The following AAK1 variants were observed in gnomAD, a reference collection of about 807,000 sequenced individuals.
AAK1 encodes the protein AP2-associated protein kinase 1.
In AAK1, 37 loss-of-function variants were observed where a neutral mutation model predicts 116.0. The ratio of observed to expected loss-of-function variants is 0.32; its 90% CI spans 0.25 to 0.42. The LOEUF is 0.42. Ranked by LOEUF, AAK1 falls within the 10% of genes least tolerant of loss-of-function variation. The probability of loss-of-function intolerance (pLI) is 1.00; values close to 1 mark genes in which losing one functional copy is unlikely to be tolerated. For missense variants in AAK1, 919 were observed against 1,170.6 expected (o/e 0.79, Z 3.14); for synonymous variants, 458 against 439.9 (o/e 1.04, Z -0.51).
intron 2 of AAK1, chr2:69,594,677 ATTT>A (rs911512887): frequency 1.0e-5 from 6 of 582,922 alleles, no homozygotes; most frequent in Middle Eastern, 4.8e-4. Context: ...TCTTGAAGGA[ATTT>A]TTTTTAAGTG....
At chr2:69,511,726 C>T (rs1050202079) in intron 13 of AAK1, among the ~76,000 whole-genome samples, 4 of 152,082 alleles carry the variant, frequency 2.6e-5, no homozygotes, top group Non-Finnish European at 5.9e-5. Context: ...ATTTTACATC[C>T]GAAGTTGTTT....
Position 69,470,779 on chromosome 2 carries a change from G to T in AAK1, c.*5090C>A. Reference sequence around the variant, plus strand: ...GCCATGATTCATTAATATGTCCTCAGTGTGTAGCTATACTTTTCTTGTGCC... The same window carrying T: ...GCCATGATTCATTAATATGTCCTCATTGTGTAGCTATACTTTTCTTGTGCC... On this transcript the variant is annotated 3_prime_UTR_variant, in exon 22 of 22. Transcript: ENST00000409085. 2 of 985,752 alleles carry T rather than the reference G, an allele frequency of 2.0e-6. No homozygotes were observed. Among genetic ancestry groups the T allele is most frequent in the Non-Finnish European group, 2.4e-6 (2 of 829,910 alleles). 61.1% of individuals were successfully genotyped at this position (985,752 alleles called of 1,614,324 possible).
intron 5 of AAK1, among the ~76,000 whole-genome samples, chr2:69,541,211 G>C (rs1670703242): frequency 1.3e-5 from 2 of 150,768 alleles, no homozygotes; most frequent in South Asian, 4.2e-4. Context: ...ACTAGAAACT[G>C]CTGAATTTTA....
At chr2:69,605,614 G>A (rs4852871) in intron 2 of AAK1, among the ~76,000 whole-genome samples, 10,242 of 152,148 alleles carry the variant, frequency 0.067, 774 homozygotes, top group East Asian at 0.16. Context: ...CCAGGCTGAG[G>A]CAGAGACTTA....
intron 13 of AAK1, among the ~76,000 whole-genome samples, chr2:69,509,958 C>T (rs996939159): frequency 3.3e-5 from 5 of 152,232 alleles, no homozygotes; most frequent in African/African-American, 1.2e-4. Flanking sequence ...AGATCCCTCA[C>T]TCTCTGCCAT....
At chr2:69,485,295 GC>G (rs1167826162) in intron 17 of AAK1, among the ~76,000 whole-genome samples, 1 of 152,156 alleles carries the variant, frequency 6.6e-6, no homozygotes, top group African/African-American at 2.4e-5. Flanking sequence ...AAAACCTCAG[GC>G]TAGCATTCTT....
Position 69,462,696 on chromosome 2 carries a change from C to CT in AAK1, c.*13172dup, listed in dbSNP as rs1674372253. ...GTCTTGAAAAAAAAAAAAAAAATTTCTGAGTTGGGGTGAGAAATCTCCCTG... is the reference window on the plus strand; with the variant it reads ...GTCTTGAAAAAAAAAAAAAAAATTTCTTGAGTTGGGGTGAGAAATCTCCCTG... On this transcript the variant is annotated 3_prime_UTR_variant, in exon 22 of 22. Coordinates refer to ENST00000409085, the MANE Select transcript of AAK1 (RefSeq NM_014911.5). The CT allele has an allele frequency of 6.6e-6, 1 of 151,082 alleles. No individual in the cohort carries two copies. Among genetic ancestry groups the CT allele is most frequent in the Admixed American group, 6.6e-5 (1 of 15,118 alleles). The allele number at this position is 151,082 out of a possible 1,614,324, so 9.4% of individuals were successfully genotyped here.
chr2:69,552,832 G>A (rs537737161), intron 3 of AAK1, among the ~76,000 whole-genome samples: 1 of 151,936 alleles, frequency 6.6e-6, no homozygotes, highest in South Asian at 2.1e-4. Flanking sequence ...GACACCAAAC[G>A]CACAATCCAT....
In AAK1 at chr2:69,475,612, A is replaced by C. The variant is rs1055910675; in HGVS notation, c.*257T>G. On this transcript the variant is annotated 3_prime_UTR_variant, in exon 22 of 22. Coordinates refer to ENST00000409085, the MANE Select transcript of AAK1 (RefSeq NM_014911.5). Reference sequence around the variant, plus strand: ...CTCATGGCATCTAGTGCTTGATTTAAGATAATGCTATTGAAGAAGGGTAAT... The same window carrying C: ...CTCATGGCATCTAGTGCTTGATTTACGATAATGCTATTGAAGAAGGGTAAT... The C allele has an allele frequency of 1.3e-5, 16 of 1,246,304 alleles. No individual in the cohort carries two copies. The East Asian group carries it at 4.7e-4, about 36-fold the overall frequency. 77.2% of individuals were successfully genotyped at this position (1,246,304 alleles called of 1,614,324 possible).
At chr2:69,615,259 C>T (rs1004741345) in intron 2 of AAK1, among the ~76,000 whole-genome samples, 1 of 152,150 alleles carries the variant, frequency 6.6e-6, no homozygotes, top group Non-Finnish European at 1.5e-5. Flanking sequence ...AGAGAAGCCC[C>T]GCAGGCCAGA....
At chr2:69,626,441 G>A (rs1208420838) in intron 2 of AAK1, among the ~76,000 whole-genome samples, 1 of 151,174 alleles carries the variant, frequency 6.6e-6, no homozygotes, top group Non-Finnish European at 1.5e-5. Context: ...CGTCTGTAAT[G>A]AGTTAACACT....
chr2:69,495,830 C>G (rs1675716602), intron 17 of AAK1, among the ~76,000 whole-genome samples, 155 bp downstream of exon 17: 1 of 152,160 alleles, frequency 6.6e-6, no homozygotes, highest in African/African-American at 2.4e-5. Context: ...AAGTTTACTC[C>G]TCTTATTGAG....
intron 2 of AAK1, among the ~76,000 whole-genome samples, chr2:69,637,697 G>GTAC (rs1017155766): frequency 6.6e-6 from 1 of 152,186 alleles, no homozygotes; most frequent in Non-Finnish European, 1.5e-5. Context: ...GATGAAGGTG[G>GTAC]TACTAGTCCC....
chr2:69,639,856 G>T lies in AAK1; in HGVS notation c.163+3022C>A, dbSNP rs530616462. The stretch of plus-strand genomic sequence containing the variant: ...GGGGACTCACAGAGAAGAGAGTCCA[G>T]GGAAGGAGCATGGCTACCCAAAACG... On this transcript the variant is annotated intron_variant, in intron 2 of 21. Transcript: ENST00000409085. Among the ~76,000 whole-genome samples, 4 of 152,222 alleles carry T rather than the reference G, an allele frequency of 2.6e-5. No individual in the cohort carries two copies. In the South Asian group the frequency reaches 8.3e-4, roughly 32 times the overall value.
intron 2 of AAK1, among the ~76,000 whole-genome samples, chr2:69,611,209 G>A (rs576303145): frequency 3.8e-4 from 58 of 152,292 alleles, no homozygotes; most frequent in African/African-American, 1.4e-3. Context: ...GGCTGCCAAC[G>A]CGGCTAGAAC....
chr2:69,548,490 T>C (rs925295825), intron 3 of AAK1, among the ~76,000 whole-genome samples: 2 of 151,886 alleles, frequency 1.3e-5, no homozygotes, highest in Non-Finnish European at 2.9e-5. Flanking sequence ...TTCTTTTTCT[T>C]TCTCTCTCCT....
At chr2:69,551,338 G>A (rs1425937812) in intron 3 of AAK1, among the ~76,000 whole-genome samples, 1 of 152,048 alleles carries the variant, frequency 6.6e-6, no homozygotes, top group Admixed American at 6.5e-5. Context: ...AACCACCATG[G>A]CACACATTTA....
intron 17 of AAK1, among the ~76,000 whole-genome samples, chr2:69,493,023 A>C (rs1675592945): frequency 6.6e-6 from 1 of 151,702 alleles, no homozygotes; most frequent in African/African-American, 2.4e-5. Flanking sequence ...TTCCTCACTC[A>C]ATATTCAAAA....
rs555513448 is a variant in AAK1, at chr2:69,480,999, G to A, written c.2468-38C>T. 3.2e-5 allele frequency: 48 copies of A among 1,483,586 alleles called. 1 individual carries two copies. The South Asian group carries it at 5.9e-4, about 18-fold the overall frequency. The allele number at this position is 1,483,586 out of a possible 1,614,324, so 91.9% of individuals were successfully genotyped here. ...AGCATTAAGAAGAGGAAAGGGTAAGGGAAAGGGAGTCAGAAGTTTCTTTAG... is the reference window on the plus strand; with the variant it reads ...AGCATTAAGAAGAGGAAAGGGTAAGAGAAAGGGAGTCAGAAGTTTCTTTAG... On this transcript the variant is annotated intron_variant, in intron 18 of 21. Transcript: ENST00000409085.
Sources: allele counts gnomAD v4.1 joint callset (sites outside exome capture counted in the v4.1 genomes callset), GRCh38; gene constraint gnomAD v4.1.1; transcripts MANE v1.5; gene names NCBI Gene and HGNC (gene_info 2026-07-23, HGNC 2026-07-21).